Variants in MOB3B observed in about 807,000 individuals in gnomAD.
MOB3B encodes the protein MOB kinase activator 3B.
Under a neutral mutation model 18.7 loss-of-function variants are expected in MOB3B, and 7 were observed. The observed-to-expected ratio is 0.37, with a 90% confidence interval of 0.21 to 0.70. The LOEUF is 0.70. Among genes scored for constraint, MOB3B ranks in the 30% least tolerant of loss-of-function variants. The probability of loss-of-function intolerance (pLI) is 0.52; values close to 1 mark genes in which losing one functional copy is unlikely to be tolerated. For missense variants in MOB3B, 253 were observed against 281.3 expected (o/e 0.90, Z 0.72); for synonymous variants, 111 against 99.9 (o/e 1.11, Z -0.66).
Position 27,478,036 on chromosome 9 carries a change from G to T in MOB3B, c.-198-22288C>A, listed in dbSNP as rs111620437. ...AGTCTGAATTGTGCTCCAGTATCAG[G>T]GTGAAAAAAAATGCATCCGATTAAA... On this transcript the variant is annotated intron_variant, in intron 1 of 3. Coordinates refer to ENST00000262244, the MANE Select transcript of MOB3B (RefSeq NM_024761.5). Among the ~76,000 whole-genome samples, 4 of 152,030 alleles carry T rather than the reference G, an allele frequency of 2.6e-5. No homozygotes were observed. In the South Asian group the frequency reaches 8.3e-4, roughly 32 times the overall value.
At chr9:27,478,319 G>T (rs1263099812) in intron 1 of MOB3B, among the ~76,000 whole-genome samples, 1 of 151,936 alleles carries the variant, frequency 6.6e-6, no homozygotes, top group East Asian at 1.9e-4. Flanking sequence ...CGTACACAAT[G>T]AGCAGAAGAA....
intron 1 of MOB3B, chr9:27,524,815 T>C: frequency 6.2e-7 from 1 of 1,614,054 alleles, no homozygotes. Flanking sequence ...CTGAGCAGCC[T>C]GGAACTGAGG....
In MOB3B at chr9:27,359,146, A is replaced by G. The variant is rs778180076; in HGVS notation, c.509T>C (p.Phe170Ser). The part of the protein sequence containing the change: ...RVFVHVYIHH[F>S]DRVIVMGAEA... ...TGCACCCATCACAATGACCCGGTCGAAGTGGTGGATATAGACGTGGACAAA... is the reference window on the plus strand; with the variant it reads ...TGCACCCATCACAATGACCCGGTCGGAGTGGTGGATATAGACGTGGACAAA... The change falls in exon 3 of 4, where the codon TTC becomes TCC. Residue 170 changes from phenylalanine to serine, a missense_variant. Physicochemically the swap from Phe to Ser is radical, Grantham distance 155. Transcript: ENST00000262244. 9.9e-6 allele frequency: 16 copies of G among 1,614,164 alleles called. No individual in the cohort carries two copies. Among genetic ancestry groups the G allele is most frequent in the Non-Finnish European group, 1.4e-5 (16 of 1,180,026 alleles).
intron 2 of MOB3B, among the ~76,000 whole-genome samples, chr9:27,419,777 A>C (rs750766531): frequency 2.0e-4 from 30 of 152,244 alleles, no homozygotes; most frequent in Non-Finnish European, 4.3e-4. Context: ...CCAAAAGCAA[A>C]TGCAATAAAA....
intron 2 of MOB3B, among the ~76,000 whole-genome samples, chr9:27,454,421 A>G (rs1270921073): frequency 1.3e-5 from 2 of 152,238 alleles, no homozygotes; most frequent in Non-Finnish European, 2.9e-5. Flanking sequence ...TACGGCATAA[A>G]ACACTAAATT....
intron 2 of MOB3B, among the ~76,000 whole-genome samples, chr9:27,361,816 C>G (rs1011260943): frequency 3.3e-4 from 50 of 152,326 alleles, no homozygotes; most frequent in African/African-American, 1.2e-3. Context: ...TCTGCACACA[C>G]TTTTAGCTCT....
At chr9:27,528,161 C>A (rs754149890) in intron 1 of MOB3B, among the ~76,000 whole-genome samples, 4 of 152,246 alleles carry the variant, frequency 2.6e-5, no homozygotes, top group Non-Finnish European at 5.9e-5. Context: ...CAGGCAACGT[C>A]ATAAGGCTTC....
chr9:27,357,039 G>A (rs1272951671), intron 3 of MOB3B, among the ~76,000 whole-genome samples: 1 of 145,898 alleles, frequency 6.9e-6, no homozygotes, highest in Non-Finnish European at 1.5e-5. Flanking sequence ...AAGAAAATAG[G>A]CTCTTTTTAA....
intron 3 of MOB3B, among the ~76,000 whole-genome samples, chr9:27,345,981 G>T (rs1695299268): frequency 6.6e-6 from 1 of 152,230 alleles, no homozygotes; most frequent in African/African-American, 2.4e-5. Flanking sequence ...TAATTTGAAT[G>T]TTGGTGTCTT....
At chr9:27,516,901 G>C (rs1820243437) in intron 1 of MOB3B, among the ~76,000 whole-genome samples, 1 of 152,090 alleles carries the variant, frequency 6.6e-6, no homozygotes, top group Admixed American at 6.6e-5. Flanking sequence ...TCTCCACTTA[G>C]CTATCTCAGA....
chr9:27,503,533 A>C (rs552026878), intron 1 of MOB3B, among the ~76,000 whole-genome samples: 2 of 152,326 alleles, frequency 1.3e-5, no homozygotes, highest in East Asian at 1.9e-4. Context: ...CAGCAGCCTC[A>C]GTCAGCTCTC....
At chr9:27,387,754 G>A (rs1413108148) in intron 2 of MOB3B, among the ~76,000 whole-genome samples, 1 of 152,138 alleles carries the variant, frequency 6.6e-6, no homozygotes, top group African/African-American at 2.4e-5. Flanking sequence ...CACTGACCTG[G>A]ATTAACGTTT....
chr9:27,490,009 C>A (rs1191055129), intron 1 of MOB3B, among the ~76,000 whole-genome samples: 2 of 152,094 alleles, frequency 1.3e-5, no homozygotes, highest in African/African-American at 2.4e-5. Context: ...CAATGTGCCT[C>A]TTTTGCCCAC....
At chr9:27,371,788 T>C (rs1352289945) in intron 2 of MOB3B, among the ~76,000 whole-genome samples, 1 of 151,952 alleles carries the variant, frequency 6.6e-6, no homozygotes, top group Non-Finnish European at 1.5e-5. Flanking sequence ...AGCAGGAATA[T>C]AGATCTAGGA....
chr9:27,437,551 A>C (rs1315606614), intron 2 of MOB3B, among the ~76,000 whole-genome samples: 1 of 152,252 alleles, frequency 6.6e-6, no homozygotes, highest in Non-Finnish European at 1.5e-5. Context: ...TATGACGAAT[A>C]TAATCTAGCT....
chr9:27,396,352 C>G (rs1024345201), intron 2 of MOB3B, among the ~76,000 whole-genome samples: 1 of 152,130 alleles, frequency 6.6e-6, no homozygotes, highest in Non-Finnish European at 1.5e-5. Context: ...CCCTCAGTCA[C>G]TGGGGCTCTG....
At chr9:27,359,385 G>A (rs559699356) in intron 2 of MOB3B, 149 bp from the exon 3 acceptor site, 5 of 635,696 alleles carry the variant, frequency 7.9e-6, no homozygotes, top group Admixed American at 2.9e-5. Flanking sequence ...GTGTGGGGGG[G>A]GGGGGTTGGT....
chr9:27,475,996 A>T (rs1403888760), intron 1 of MOB3B, among the ~76,000 whole-genome samples: 1 of 152,178 alleles, frequency 6.6e-6, no homozygotes, highest in Non-Finnish European at 1.5e-5. Context: ...AAGCCCTACA[A>T]TGGCTTCCCA....
Position 27,330,493 on chromosome 9 carries a change from G to T in MOB3B, c.*94C>A. 2 of 1,546,746 alleles carry T rather than the reference G, an allele frequency of 1.3e-6. No individual in the cohort carries two copies. Among genetic ancestry groups the T allele is most frequent in the Non-Finnish European group, 8.8e-7 (1 of 1,131,388 alleles). On this transcript the variant is annotated 3_prime_UTR_variant, in exon 4 of 4. Transcript: ENST00000262244. ...TCCACCTCTGCTGTTCCTGGGAGTA[G>T]GTGTGTCATTTCAGCCAGGGTGGTC...
Sources: allele counts gnomAD v4.1 joint callset (sites outside exome capture counted in the v4.1 genomes callset), GRCh38; gene constraint gnomAD v4.1.1; transcripts MANE v1.5; gene names NCBI Gene and HGNC (gene_info 2026-07-23, HGNC 2026-07-21).